CIBAR2: variants seen among roughly 807,000 people sequenced by gnomAD.
The protein encoded by CIBAR2 is CBY1 interacting BAR domain containing 2.
In CIBAR2, 38 loss-of-function variants were observed where a neutral mutation model predicts 36.2. The observed-to-expected ratio is 1.05, with a 90% CI of 0.81 to 1.38. The LOEUF is 1.38. CIBAR2 is among the 40% of genes most tolerant of loss of function. The pLI is 0.00. For synonymous variants in CIBAR2, 182 were observed against 149.5 expected (o/e 1.22, Z -1.58); for missense variants, 481 against 383.4 (o/e 1.25, Z -2.13).
intron 5 of CIBAR2, among the ~76,000 whole-genome samples, chr16:85,106,598 T>C (rs930039482): frequency 1.3e-5 from 2 of 152,084 alleles, no homozygotes; most frequent in African/African-American, 4.8e-5. Flanking sequence ...AGCCAAGGGA[T>C]GTGCGTGGCC....
At chr16:85,100,425 G>A (rs1456892399) in intron 7 of CIBAR2, among the ~76,000 whole-genome samples, 185 bp from the exon 8 acceptor site, 1 of 152,112 alleles carries the variant, frequency 6.6e-6, no homozygotes, top group Non-Finnish European at 1.5e-5. Flanking sequence ...CGGTGAGTGG[G>A]CATTATCACC....
rs1326934949 is a variant in CIBAR2 at position 85,102,263 on chromosome 16, G to C, written c.602C>G (p.Ser201Cys). Residue 201 changes from serine (S) to cysteine (C), a missense_variant, in exon 7 of 9, where the codon TCT becomes TGT. Coordinates refer to ENST00000539556, the MANE Select transcript of CIBAR2 (RefSeq NM_198491.3). The part of the protein sequence containing the change: ...VFHAKAVEVY[S>C]SAFQTLEKYD... Reference sequence around the variant, plus strand: ...CTTCTCCAGGGTCTGGAAGGCGCTAGAATACACCTCCACCGCTTTGGCATG... The same window carrying C: ...CTTCTCCAGGGTCTGGAAGGCGCTACAATACACCTCCACCGCTTTGGCATG... 1 of 1,613,664 alleles carries C rather than the reference G, an allele frequency of 6.2e-7. No individual in the cohort carries two copies.
intron 5 of CIBAR2, among the ~76,000 whole-genome samples, chr16:85,106,839 A>G (rs1310467405): frequency 6.6e-6 from 1 of 152,192 alleles, no homozygotes; most frequent in Non-Finnish European, 1.5e-5. Flanking sequence ...CCCCCAGGTG[A>G]GGACCGCTGA....
chr16:85,099,076 T>C lies in CIBAR2; in HGVS notation c.*109A>G. On this transcript the variant is annotated 3_prime_UTR_variant, in exon 9 of 9. Coordinates refer to ENST00000539556, the MANE Select transcript of CIBAR2 (RefSeq NM_198491.3). ...GAGCTTGAAGACAAGGTCTTTGAAT[T>C]AACACAATCCAACAAAGACAAAGAA... 7.6e-7 allele frequency: 1 copy of C among 1,309,946 alleles called. No individual in the cohort carries two copies. Among genetic ancestry groups the C allele is most frequent in the Non-Finnish European group, 1.0e-6 (1 of 994,506 alleles). 81.1% of individuals were successfully genotyped at this position (1,309,946 alleles called of 1,614,324 possible).
intron 5 of CIBAR2, among the ~76,000 whole-genome samples, chr16:85,106,888 G>C (rs901900447): frequency 6.6e-6 from 1 of 152,138 alleles, no homozygotes; most frequent in Admixed American, 6.5e-5. Context: ...GGCTGGGCCT[G>C]TAATCCCAGC....
chr16:85,105,632 C>T (rs1421291591), intron 5 of CIBAR2, among the ~76,000 whole-genome samples: 3 of 152,210 alleles, frequency 2.0e-5, no homozygotes, highest in Non-Finnish European at 4.4e-5. Context: ...TGAGACACAC[C>T]TGCTTGCTAG....
intron 7 of CIBAR2, among the ~76,000 whole-genome samples, chr16:85,101,333 C>T (rs1294383752): frequency 6.6e-6 from 1 of 152,114 alleles, no homozygotes; most frequent in African/African-American, 2.4e-5. Context: ...GTGGCCTGTC[C>T]TGTGCTCAGA....
At chr16:85,107,320 C>T (rs1320480671) in intron 5 of CIBAR2, among the ~76,000 whole-genome samples, 1 of 152,162 alleles carries the variant, frequency 6.6e-6, no homozygotes, top group East Asian at 1.9e-4. Context: ...GTCCCTTCCA[C>T]CTGCTGTGCC....
intron 2 of CIBAR2, among the ~76,000 whole-genome samples, chr16:85,109,998 C>T (rs946875186): frequency 6.6e-6 from 1 of 152,150 alleles, no homozygotes. Flanking sequence ...CCTGGGTTTC[C>T]TTGCTTTGTT....
chr16:85,105,274 A>C, intron 6 of CIBAR2, 53 bp downstream of exon 6: 1 of 1,019,530 alleles, frequency 9.8e-7, no homozygotes, highest in Non-Finnish European at 1.5e-6. Flanking sequence ...ACGTGCATGC[A>C]CACACACACA....
rs140189607 is a variant in CIBAR2, at chr16:85,110,512, G to A, written c.21-52C>T. 8,121 of 1,387,920 alleles carry A rather than the reference G, an allele frequency of 5.9e-3. 44 individuals are homozygous for A. The highest frequency in any genetic ancestry group is 6.9e-3 in the Non-Finnish European group (6,971 of 1,010,528). The allele number at this position is 1,387,920 out of a possible 1,614,324, so 86.0% of individuals were successfully genotyped here. ...ATTCTGGGCAGAGATGCAGGGCCCCGGTCATGCCAAGAGCAGACAATAGCT... is the reference window on the plus strand; with the variant it reads ...ATTCTGGGCAGAGATGCAGGGCCCCAGTCATGCCAAGAGCAGACAATAGCT... On this transcript the variant is annotated intron_variant, in intron 1 of 8. Transcript: ENST00000539556.
Position 85,098,649 on chromosome 16 carries a change from T to G in CIBAR2, c.*536A>C, listed in dbSNP as rs1333785493. On this transcript the variant is annotated 3_prime_UTR_variant, in exon 9 of 9. Coordinates refer to ENST00000539556, the MANE Select transcript of CIBAR2 (RefSeq NM_198491.3). Reference sequence around the variant, plus strand: ...AGTTGTCCTCACTCTCCTCCCCTTCTTTTCCTGGGCTCCATATGGTGCTCT... The same window carrying G: ...AGTTGTCCTCACTCTCCTCCCCTTCGTTTCCTGGGCTCCATATGGTGCTCT... 1.5e-5 allele frequency: 15 copies of G among 985,182 alleles called. No homozygotes were observed. Among genetic ancestry groups the G allele is most frequent in the Admixed American group, 6.2e-5 (1 of 16,258 alleles). The allele number at this position is 985,182 out of a possible 1,614,324, so 61.0% of individuals were successfully genotyped here.
chr16:85,102,235 A>G lies in CIBAR2; in HGVS notation c.630T>C (p.Tyr210=). 6.2e-7 allele frequency: 1 copy of G among 1,605,578 alleles called. No individual in the cohort carries two copies. Among genetic ancestry groups the G allele is most frequent in the Non-Finnish European group, 8.5e-7 (1 of 1,172,144 alleles). Reference sequence around the variant, plus strand: ...TCACCAGTAGATCCCTCTCCAGGTCATACTTCTCCAGGGTCTGGAAGGCGC... The same window carrying G: ...TCACCAGTAGATCCCTCTCCAGGTCGTACTTCTCCAGGGTCTGGAAGGCGC... ...YSSAFQTLEK[Y]DLERDLLDFR... The change falls in exon 7 of 9, where the codon TAT becomes TAC. Residue 210 remains tyrosine, a synonymous_variant. Transcript: ENST00000539556.
chr16:85,112,396 AG>A lies in CIBAR2; in HGVS notation c.-45del, dbSNP rs369498476. 1.3e-5 allele frequency: 21 copies of A among 1,601,402 alleles called. No individual in the cohort carries two copies. In the East Asian group the frequency reaches 1.6e-4, roughly 12 times the overall value. ...TGTCCCGGTGCTGGGGAATAAGGAC[AG>A]GGCCCCAGGGGTCCTGCAGGCCTGG... On this transcript the variant is annotated 5_prime_UTR_variant, in exon 1 of 9. Coordinates refer to ENST00000539556, the MANE Select transcript of CIBAR2 (RefSeq NM_198491.3).
chr16:85,111,765 G>C (rs1025939064), intron 1 of CIBAR2, among the ~76,000 whole-genome samples: 2 of 152,236 alleles, frequency 1.3e-5, no homozygotes, highest in Non-Finnish European at 2.9e-5. Flanking sequence ...AATCGCTTGA[G>C]CCCAGGCGAT....
chr16:85,110,598 C>A (rs969659768), intron 1 of CIBAR2, 138 bp from the exon 2 acceptor site: 9 of 607,004 alleles, frequency 1.5e-5, no homozygotes, highest in Non-Finnish European at 2.0e-5. Context: ...CACAGGCTGT[C>A]ACTCAAGGTG....
Position 85,108,070 on chromosome 16 carries a change from G to A in CIBAR2, c.285C>T (p.Asn95=), listed in dbSNP as rs1271622157. Residue 95 remains asparagine, a synonymous_variant, in exon 3 of 9, where the codon AAC becomes AAT. Transcript: ENST00000539556. ...QVERLETKVV[N]PLKLYGAQIK... ...TCTGTGCCCCGTAGAGCTTCAGGGGGTTGACCACCTTGGTCTCCAGCCTCT... is the reference window on the plus strand; with the variant it reads ...TCTGTGCCCCGTAGAGCTTCAGGGGATTGACCACCTTGGTCTCCAGCCTCT... 1 of 1,613,036 alleles carries A rather than the reference G, an allele frequency of 6.2e-7. No homozygotes were observed. The highest frequency in any genetic ancestry group is 1.3e-5 in the African/African-American group (1 of 74,998).
In CIBAR2 at chr16:85,100,011, C is replaced by G. The variant is rs1363856313; in HGVS notation, c.753+128G>C. ...CCCTCCATGCTCCCACCACCCCTGC[C>G]TCCTCAGCCTCCCATTTCAAATTCG... On this transcript the variant is annotated intron_variant, in intron 8 of 8. Transcript: ENST00000539556. 4 of 708,136 alleles carry G rather than the reference C, an allele frequency of 5.6e-6. No individual in the cohort carries two copies. In the South Asian group the frequency reaches 5.8e-5, roughly 10 times the overall value. 43.9% of individuals were successfully genotyped at this position (708,136 alleles called of 1,614,324 possible).
In CIBAR2 at chr16:85,107,939, G is replaced by A. The variant is rs201498601; in HGVS notation, c.333C>T (p.Ile111=). The A allele has an allele frequency of 6.2e-7, 1 of 1,614,036 alleles. No homozygotes were observed. Among genetic ancestry groups the A allele is most frequent in the East Asian group, 2.2e-5 (1 of 44,878 alleles). ...GATTTTGGACATGTTTGAATTTCTT[G>A]ATCTCAGCCTGCAGAAAAGGAGGAG... ...GAQIKQTRAE[I]KKFKHVQNHE... The change falls in exon 4 of 9, where the codon ATC becomes ATT. Residue 111 remains isoleucine (I), a synonymous_variant. Transcript: ENST00000539556.
Sources: allele counts gnomAD v4.1 joint callset (sites outside exome capture counted in the v4.1 genomes callset), GRCh38; gene constraint gnomAD v4.1.1; transcripts MANE v1.5; gene names NCBI Gene and HGNC (gene_info 2026-07-23, HGNC 2026-07-21).